OR9Q1: variants seen among roughly 807,000 people sequenced by gnomAD.
The protein encoded by OR9Q1 is olfactory receptor family 9 subfamily Q member 1.
For missense variants in OR9Q1, 374 were observed against 378.8 expected (o/e 0.99, Z 0.11); for synonymous variants, 153 against 148.6 (o/e 1.03, Z -0.22).
In OR9Q1 at chr11:58,180,408, C is replaced by T. The variant is rs775694574; in HGVS notation, c.*31C>T. The T allele has an allele frequency of 2.1e-6, 3 of 1,404,372 alleles. No individual in the cohort carries two copies. Among genetic ancestry groups the T allele is most frequent in the African/African-American group, 1.4e-5 (1 of 70,058 alleles). 87.0% of individuals were successfully genotyped at this position (1,404,372 alleles called of 1,614,324 possible). A position where few individuals can be genotyped will look rare whatever the true frequency, so the allele number is the denominator to read the frequency against. ...TCCAAACTTGGAAAATCCCGAGAAC[C>T]ACCTACTCTGTAGTGTCAGAATTCT... On this transcript the variant is annotated 3_prime_UTR_variant, in exon 3 of 3. Coordinates refer to ENST00000335397, the MANE Select transcript of OR9Q1 (RefSeq NM_001005212.4).
At chr11:58,047,451 T>C (rs940377392) in intron 1 of OR9Q1, 2 of 152,200 alleles carry the variant, frequency 1.3e-5, no homozygotes, top group African/African-American at 2.4e-5. Context: ...TAGATGTTTT[T>C]AATGTCAAAC....
intron 2 of OR9Q1, chr11:58,118,978 G>A: frequency 6.2e-7 from 1 of 1,613,804 alleles, no homozygotes; most frequent in Non-Finnish European, 8.5e-7. Flanking sequence ...ACGCAGGATG[G>A]CTCCTGACAC....
At chr11:58,028,137 C>T (rs964285703) in intron 1 of OR9Q1, among the ~76,000 whole-genome samples, 1 of 152,098 alleles carries the variant, frequency 6.6e-6, no homozygotes, top group African/African-American at 2.4e-5. Context: ...TGTACCAGGC[C>T]CCAGGGTGGA....
At chr11:58,171,172 C>G (rs1349065360) in intron 2 of OR9Q1, 2 of 152,104 alleles carry the variant, frequency 1.3e-5, no homozygotes, top group South Asian at 2.1e-4. Flanking sequence ...GACTGTCAAC[C>G]CTTGCTTTAT....
At chr11:58,030,118 A>C (rs1590542330) in intron 1 of OR9Q1, among the ~76,000 whole-genome samples, 1 of 152,278 alleles carries the variant, frequency 6.6e-6, no homozygotes, top group South Asian at 2.1e-4. Context: ...CTGGGATTAC[A>C]CATATGAGCC....
At chr11:58,105,885 T>C (rs899177847) in intron 2 of OR9Q1, among the ~76,000 whole-genome samples, 1 of 152,144 alleles carries the variant, frequency 6.6e-6, no homozygotes, top group Non-Finnish European at 1.5e-5. Context: ...GCTTGGATTG[T>C]TTCCATATCT....
chr11:58,031,417 A>T, intron 1 of OR9Q1: 1 of 1,614,094 alleles, frequency 6.2e-7, no homozygotes, highest in Non-Finnish European at 8.5e-7. Context: ...GTTGGCTGGT[A>T]GGTTTCCTCA....
At chr11:58,064,860 T>C (rs1213547389) in intron 2 of OR9Q1, among the ~76,000 whole-genome samples, 1 of 151,986 alleles carries the variant, frequency 6.6e-6, no homozygotes, top group African/African-American at 2.4e-5. Context: ...AATGTAGATG[T>C]ACATTTGCTT....
At chr11:58,056,241 A>G (rs1435773627) in intron 2 of OR9Q1, among the ~76,000 whole-genome samples, 1 of 152,198 alleles carries the variant, frequency 6.6e-6, no homozygotes, top group Non-Finnish European at 1.5e-5. Context: ...ACAATTCCTG[A>G]AAATTTAACA....
chr11:58,047,399 T>G (rs1262812631), intron 1 of OR9Q1: 1 of 152,194 alleles, frequency 6.6e-6, no homozygotes, highest in Admixed American at 6.5e-5. Flanking sequence ...GAAGTCAAAG[T>G]GTCCAACAAT....
intron 2 of OR9Q1, among the ~76,000 whole-genome samples, chr11:58,098,573 G>T (rs1853753853): frequency 6.6e-6 from 1 of 152,166 alleles, no homozygotes; most frequent in Non-Finnish European, 1.5e-5. Flanking sequence ...GGCGGAGCTT[G>T]CAGTGAGCCG....
intron 2 of OR9Q1, among the ~76,000 whole-genome samples, chr11:58,098,656 A>AT (rs1173459655): frequency 2.0e-5 from 3 of 152,210 alleles, no homozygotes; most frequent in African/African-American, 7.2e-5. Context: ...AAATAAATAA[A>AT]TAATCTATTT....
At chr11:58,117,951 A>G (rs1853974556) in intron 2 of OR9Q1, 1 of 152,450 alleles carries the variant, frequency 6.6e-6, no homozygotes. Flanking sequence ...TCTCTTCTGA[A>G]GAGAGAAGTT....
In OR9Q1 at chr11:58,179,614, C is replaced by G. The variant is rs199629400; in HGVS notation, c.170C>G (p.Ala57Gly). 1 of 1,613,320 alleles carries G rather than the reference C, an allele frequency of 6.2e-7. No homozygotes were observed. The highest frequency in any genetic ancestry group is 1.3e-5 in the African/African-American group (1 of 75,048). Reference protein sequence around the residue: ...ILILMDHQLHAPMYFLLSHLA... With the variant: ...ILILMDHQLHGPMYFLLSHLA... ...ATCCTCATGGATCACCAGCTCCACG[C>G]TCCAATGTATTTCCTTCTGAGTCAC... The change falls in exon 3 of 3, where the codon GCT becomes GGT. Residue 57 changes from alanine (A) to glycine (G), a missense_variant. Coordinates refer to ENST00000335397, the MANE Select transcript of OR9Q1 (RefSeq NM_001005212.4).
At chr11:58,119,498 A>C in intron 2 of OR9Q1, 4 of 1,169,798 alleles carry the variant, frequency 3.4e-6, no homozygotes, top group Non-Finnish European at 4.9e-6. Flanking sequence ...AAAGAATCTC[A>C]GAATTGAAGG....
chr11:58,167,529 G>T (rs557783291), intron 2 of OR9Q1, among the ~76,000 whole-genome samples: 1 of 152,004 alleles, frequency 6.6e-6, no homozygotes, highest in African/African-American at 2.4e-5. Flanking sequence ...TAACTTACTG[G>T]CTTAAAACAA....
At chr11:58,054,096 C>T (rs905953231) in intron 1 of OR9Q1, among the ~76,000 whole-genome samples, 2 of 152,070 alleles carry the variant, frequency 1.3e-5, no homozygotes, top group African/African-American at 4.8e-5. Context: ...TCACATTGTG[C>T]CCCATGAATA....
intron 1 of OR9Q1, among the ~76,000 whole-genome samples, chr11:58,043,414 C>A (rs1376489): frequency 6.6e-6 from 1 of 151,962 alleles, no homozygotes; most frequent in Non-Finnish European, 1.5e-5. Context: ...ATTCATTTCC[C>A]CAAGACACAC....
intron 2 of OR9Q1, among the ~76,000 whole-genome samples, chr11:58,146,351 T>C (rs1854299063): frequency 6.6e-6 from 1 of 152,236 alleles, no homozygotes; most frequent in Non-Finnish European, 1.5e-5. Context: ...CTTCCTCATC[T>C]GCTAGAAATA....
Sources: gnomAD v4.1 joint callset for allele counts (sites outside exome capture counted in the v4.1 genomes callset) on GRCh38, gnomAD v4.1.1 for gene constraint, MANE v1.5 for transcripts, NCBI Gene and HGNC (gene_info 2026-07-23, HGNC 2026-07-21) for gene names.